Variants in NAGK observed in about 807,000 individuals in gnomAD.
The protein encoded by NAGK is N-acetyl-D-glucosamine kinase.
A neutral mutation model predicts 42.9 loss-of-function variants in NAGK; 35 were observed. The observed-to-expected ratio is 0.82, with a 90% confidence interval of 0.62 to 1.08. The LOEUF (loss-of-function observed/expected upper bound fraction) is 1.08, where lower values mean the gene tolerates loss of function less well. Ranked by LOEUF, NAGK falls within the 50% of genes least tolerant of loss-of-function variation. NAGK has a pLI of 0.00. For missense variants in NAGK, 446 were observed against 446.0 expected (o/e 1.00, Z 0.00); for synonymous variants, 172 against 176.0 (o/e 0.98, Z 0.18).
chr2:71,075,669 T>C (rs375608756), intron 7 of NAGK, 27 bp downstream of exon 7: 27 of 1,583,514 alleles, frequency 1.7e-5, no homozygotes, highest in Non-Finnish European at 1.2e-5. Flanking sequence ...GTGGGTTTTA[T>C]CTGGCTTTGT....
chr2:71,077,021 T>C (rs1672235901), intron 8 of NAGK, among the ~76,000 whole-genome samples: 1 of 152,164 alleles, frequency 6.6e-6, no homozygotes, highest in Non-Finnish European at 1.5e-5. Context: ...TGGAGTGCAG[T>C]AGCGTGATCT....
Position 71,075,944 on chromosome 2 carries a change from C to A in NAGK, c.667+302C>A. The A allele has an allele frequency of 9.6e-6, 4 of 417,394 alleles. No homozygotes were observed. In the Admixed American group the frequency reaches 1.5e-4, roughly 15 times the overall value. 25.9% of individuals were successfully genotyped at this position (417,394 alleles called of 1,614,324 possible). ...AGTTGTCCTTTGGACAAATCTATAA[C>A]TTTCTTTTCCTAGCCAATTATACTC... On this transcript the variant is annotated intron_variant, in intron 7 of 9. Transcript: ENST00000244204.
At position 71,079,331 on chromosome 2, in the gene NAGK, T is replaced by G. The variant is rs1008556457; in HGVS notation, c.*823T>G. 6.6e-6 allele frequency: 1 copy of G among 152,182 alleles called. No individual in the cohort carries two copies. The highest frequency in any genetic ancestry group is 2.4e-5 in the African/African-American group (1 of 41,432). The allele number at this position is 152,182 out of a possible 1,614,324, so 9.4% of individuals were successfully genotyped here. ...CAGCCAGTGAAGGCAAACCTGAAGC[T>G]TCGGTTCCACAGCCTGTGCTGCTTG... On this transcript the variant is annotated 3_prime_UTR_variant, in exon 10 of 10. Transcript: ENST00000244204.
Position 71,072,771 on chromosome 2 carries a change from C to T in NAGK, c.466+20C>T, listed in dbSNP as rs1247561927. 1.3e-6 allele frequency: 2 copies of T among 1,593,904 alleles called. No homozygotes were observed. The highest frequency in any genetic ancestry group is 2.2e-5 in the South Asian group (2 of 90,284). ...GTTCAGGTGAGCTCACTGACTGGCC[C>T]AGCTCCAGGTCCTGGATCTGCTCCT... On this transcript the variant is annotated intron_variant, in intron 5 of 9. Coordinates refer to ENST00000244204, the MANE Select transcript of NAGK (RefSeq NM_017567.6).
At chr2:71,068,304 G>A (rs990482768), upstream of NAGK, 4 of 471,382 alleles carry the variant, frequency 8.5e-6, no homozygotes, top group Admixed American at 1.4e-4. Flanking sequence ...ACGCGGGACT[G>A]CCAGCAACTT....
rs1672304554 is a variant in NAGK at position 71,078,608 on chromosome 2, A to G, written c.*100A>G. 1 of 1,349,022 alleles carries G rather than the reference A, an allele frequency of 7.4e-7. No homozygotes were observed. Among genetic ancestry groups the G allele is most frequent in the African/African-American group, 1.5e-5 (1 of 67,498 alleles). 83.6% of individuals were successfully genotyped at this position (1,349,022 alleles called of 1,614,324 possible). On this transcript the variant is annotated 3_prime_UTR_variant, in exon 10 of 10. Transcript: ENST00000244204. ...TTCTCCTTTTTACAAAAACAAACAT[A>G]GAAGAAAATAAATGCACTTTATCCA...
upstream of NAGK, chr2:71,068,545 C>A (rs1489777240): frequency 4.1e-6 from 6 of 1,475,128 alleles, no homozygotes; most frequent in Non-Finnish European, 5.4e-6. Context: ...CCGCCCCGCG[C>A]ATGCGCACGC....
At position 71,079,467 on chromosome 2, in the gene NAGK, G is replaced by A. The variant is rs1313850660; in HGVS notation, c.*959G>A. The A allele has an allele frequency of 3.9e-5, 6 of 152,220 alleles. No homozygotes were observed. The highest frequency in any genetic ancestry group is 7.3e-5 in the Non-Finnish European group (5 of 68,042). 9.4% of individuals were successfully genotyped at this position (152,220 alleles called of 1,614,324 possible). On this transcript the variant is annotated 3_prime_UTR_variant, in exon 10 of 10. Coordinates refer to ENST00000244204, the MANE Select transcript of NAGK (RefSeq NM_017567.6). ...TCAGTTCTCCAACTTACAGACATCAGTTATTCTAGAGTTTGTTTTAAAACA... is the reference window on the plus strand; with the variant it reads ...TCAGTTCTCCAACTTACAGACATCAATTATTCTAGAGTTTGTTTTAAAACA...
In NAGK at chr2:71,075,545, C is replaced by T. The variant is rs368850729; in HGVS notation, c.580-10C>T. 2 of 1,606,452 alleles carry T rather than the reference C, an allele frequency of 1.2e-6. No homozygotes were observed. Among genetic ancestry groups the T allele is most frequent in the Non-Finnish European group, 1.7e-6 (2 of 1,173,116 alleles). On this transcript the variant is annotated splice_polypyrimidine_tract_variant and intron_variant, in intron 6 of 9. Coordinates refer to ENST00000244204, the MANE Select transcript of NAGK (RefSeq NM_017567.6). ...TTCTGATGACTCTCTTGTGCCCTTTCTCCTCTCAGGTGCCAGATCGGCTAG... is the reference window on the plus strand; with the variant it reads ...TTCTGATGACTCTCTTGTGCCCTTTTTCCTCTCAGGTGCCAGATCGGCTAG...
rs1671972356 is a variant in NAGK at position 71,070,745 on chromosome 2, T to G, written c.119T>G (p.Ile40Ser). ...ADGLSTNHWL[I>S]GTDKCVERIN... ...TCTTCCCTTGATTGGGGCCAGCTGA[T>G]CGGGACAGACAAGTGTGTGGAGAGG... is the stretch of plus-strand genomic sequence containing the variant. The change falls in exon 3 of 10, where the codon ATC (isoleucine) becomes AGC (serine). Residue 40 changes from isoleucine to serine, a missense_variant. By Grantham distance (142) the Ile-to-Ser change is moderately radical. Transcript: ENST00000244204. The G allele has an allele frequency of 6.2e-7, 1 of 1,614,072 alleles. No homozygotes were observed. Among genetic ancestry groups the G allele is most frequent in the South Asian group, 1.1e-5 (1 of 91,086 alleles).
upstream of NAGK, chr2:71,068,451 C>G: frequency 1.5e-6 from 2 of 1,377,836 alleles, no homozygotes; most frequent in African/African-American, 1.5e-5. Flanking sequence ...GGGGCCGCTG[C>G]GGACCGCAGT....
At position 71,075,601 on chromosome 2, in the gene NAGK, A is replaced by G; in HGVS notation, c.626A>G (p.Asp209Gly). Residue 209 changes from aspartate to glycine, a missense_variant, in exon 7 of 10, where the codon GAT becomes GGT. Coordinates refer to ENST00000244204, the MANE Select transcript of NAGK (RefSeq NM_017567.6). The part of the protein sequence containing the change: ...GILTHLYRDF[D>G]KCRFAGFCRK... ...CTCACTCACCTGTATAGGGACTTTG[A>G]TAAATGCAGGTTTGCTGGGTTTTGC... 6.2e-7 allele frequency: 1 copy of G among 1,614,128 alleles called. No homozygotes were observed. The highest frequency in any genetic ancestry group is 8.5e-7 in the Non-Finnish European group (1 of 1,180,000).
intron 4 of NAGK, chr2:71,072,324 C>T (rs890196494): frequency 1.8e-5 from 6 of 341,502 alleles, no homozygotes; most frequent in Middle Eastern, 8.6e-4. Context: ...ACTGTGAGAA[C>T]GGGTCTAGCA....
chr2:71,075,895 C>A, intron 7 of NAGK: 1 of 517,184 alleles, frequency 1.9e-6, no homozygotes. Flanking sequence ...GGCTGTATGC[C>A]TGTTTCTGAG....
At chr2:71,076,796 T>C (rs905652669) in intron 8 of NAGK, 95 bp downstream of exon 8, 84 of 1,009,470 alleles carry the variant, frequency 8.3e-5, no homozygotes, top group African/African-American at 8.0e-5. Context: ...CCTGCATAGA[T>C]TGGATACTAT....
At chr2:71,073,739 G>C in intron 6 of NAGK, 145 bp downstream of exon 6, 2 of 736,976 alleles carry the variant, frequency 2.7e-6, no homozygotes, top group Non-Finnish European at 4.9e-6. Flanking sequence ...GAAGTCATAG[G>C]TGAGGACAGG....
intron 2 of NAGK, 72 bp downstream of exon 2, chr2:71,070,658 G>C: frequency 6.2e-7 from 1 of 1,604,694 alleles, no homozygotes; most frequent in South Asian, 1.1e-5. Flanking sequence ...TTGAGGTGGT[G>C]GCTGGGACTC....
intron 4 of NAGK, 33 bp from the exon 5 acceptor site, chr2:71,072,608 G>C: frequency 6.4e-7 from 1 of 1,574,148 alleles, no homozygotes; most frequent in Non-Finnish European, 8.7e-7. Context: ...GCCAGGCCTC[G>C]GCCACACTGA....
chr2:71,070,134 G>A (rs532354056), intron 1 of NAGK: 123 of 230,158 alleles, frequency 5.3e-4, no homozygotes, highest in Non-Finnish European at 9.7e-4. Flanking sequence ...GACACAAAGC[G>A]TCTGAACACA....
Sources: allele counts gnomAD v4.1 joint callset (sites outside exome capture counted in the v4.1 genomes callset), GRCh38; gene constraint gnomAD v4.1.1; transcripts MANE v1.5; gene names NCBI Gene and HGNC (gene_info 2026-07-23, HGNC 2026-07-21).